Variants in BLK observed in about 807,000 individuals in gnomAD.
The protein encoded by BLK is tyrosine-protein kinase Blk.
Under a neutral mutation model 61.8 loss-of-function variants are expected in BLK, and 64 were observed. That is an observed-to-expected ratio of 1.03 (90% CI 0.85 to 1.27). The LOEUF is 1.27. BLK is among the 50% of genes most tolerant of loss of function. BLK has a pLI of 0.00. For synonymous variants in BLK, 351 were observed against 272.0 expected (o/e 1.29, Z -2.86); for missense variants, 853 against 660.5 (o/e 1.29, Z -3.19).
intron 1 of BLK, among the ~76,000 whole-genome samples, chr8:11,508,031 C>T (rs985615893): frequency 6.6e-6 from 1 of 152,168 alleles, no homozygotes; most frequent in African/African-American, 2.4e-5. Flanking sequence ...GCCTTGGGTG[C>T]TTCTCAAACC....
rs746202021 is a variant in BLK, at chr8:11,554,875, T to A, written c.605T>A (p.Val202Glu). ...RITFPSLQALVQHYSKKGDGL... is the reference protein window; with the variant it reads ...RITFPSLQALEQHYSKKGDGL... ...ACCTTCCCCTCGCTCCAGGCCCTGG[T>A]GCAGCACTATTCTAGTAAGAGGGGG... Residue 202 changes from valine (V) to glutamate (E), a missense_variant, in exon 7 of 13, where the codon GTG becomes GAG. By Grantham distance (121) the Val-to-Glu change is moderately radical. Transcript: ENST00000259089. 2 of 1,613,362 alleles carry A rather than the reference T, an allele frequency of 1.2e-6. No homozygotes were observed. Among genetic ancestry groups the A allele is most frequent in the Non-Finnish European group, 1.7e-6 (2 of 1,179,964 alleles).
At chr8:11,516,068 A>T (rs1259026226) in intron 1 of BLK, among the ~76,000 whole-genome samples, 4 of 152,232 alleles carry the variant, frequency 2.6e-5, no homozygotes, top group Admixed American at 2.0e-4. Flanking sequence ...ATTCCATGGA[A>T]TACCACTCAG....
chr8:11,543,224 G>C lies in BLK; in HGVS notation c.-1G>C. ...TCTGTCTGCTGTGTGTCTCCGACAG[G>C]ATGGGGCTGGTAAGTAGCAAAAAGC... is the stretch of plus-strand genomic sequence containing the variant. On this transcript the variant is annotated splice_region_variant and 5_prime_UTR_variant, in exon 2 of 13. Transcript: ENST00000259089. The C allele has an allele frequency of 1.9e-6, 3 of 1,613,876 alleles. No individual in the cohort carries two copies. The highest frequency in any genetic ancestry group is 1.7e-6 in the Non-Finnish European group (2 of 1,179,984).
chr8:11,555,767 G>A (rs1328778113), intron 8 of BLK: 5 of 513,276 alleles, frequency 9.7e-6, no homozygotes, highest in Non-Finnish European at 1.8e-5. Flanking sequence ...AGCTGGCTTT[G>A]ACAATGAGCT....
In BLK at chr8:11,561,448, A is replaced by G. The variant is rs767686222; in HGVS notation, c.1176A>G (p.Gln392=). 3.1e-6 allele frequency: 5 copies of G among 1,613,728 alleles called. No homozygotes were observed. Among genetic ancestry groups the G allele is most frequent in the Non-Finnish European group, 3.4e-6 (4 of 1,179,930 alleles). Residue 392 remains glutamine, a synonymous_variant, in exon 11 of 13, where the codon CAA becomes CAG. Coordinates refer to ENST00000259089, the MANE Select transcript of BLK (RefSeq NM_001715.3). ...ARIIDSEYTA[Q]EGAKFPIKWT... The stretch of plus-strand genomic sequence containing the variant: ...TCATCGACAGTGAATACACGGCCCA[A>G]GAGGGTAAGCACAGCCCCTAACCAC...
chr8:11,513,208 C>A (rs1273888576), intron 1 of BLK, among the ~76,000 whole-genome samples: 2 of 152,086 alleles, frequency 1.3e-5, no homozygotes, highest in African/African-American at 2.4e-5. Flanking sequence ...CCTCAATGCA[C>A]CACACGCAGT....
In BLK at chr8:11,564,269, C is replaced by A; in HGVS notation, c.*161C>A. ...GCTTCGCAGGGGGTCCCCGGACGGA[C>A]TCCTTCACCGACTGCACCCCCGGGC... is the stretch of plus-strand genomic sequence containing the variant. On this transcript the variant is annotated 3_prime_UTR_variant, in exon 13 of 13. Coordinates refer to ENST00000259089, the MANE Select transcript of BLK (RefSeq NM_001715.3). The A allele has an allele frequency of 3.4e-6, 3 of 875,958 alleles. No homozygotes were observed. In the South Asian group the frequency reaches 4.3e-5, roughly 13 times the overall value. 54.3% of individuals were successfully genotyped at this position (875,958 alleles called of 1,614,324 possible). A position where few individuals can be genotyped will look rare whatever the true frequency, so the allele number is the denominator to read the frequency against.
intron 1 of BLK, among the ~76,000 whole-genome samples, chr8:11,498,195 C>CA (rs1798426263): frequency 6.6e-6 from 1 of 152,176 alleles, no homozygotes; most frequent in South Asian, 2.1e-4. Flanking sequence ...ACCTGGGATG[C>CA]AAAATGTAAG....
Position 11,550,243 on chromosome 8 carries a change from A to G in BLK, c.453A>G (p.Arg151=). 1.2e-6 allele frequency: 2 copies of G among 1,613,940 alleles called. No homozygotes were observed. Among genetic ancestry groups the G allele is most frequent in the Non-Finnish European group, 1.7e-6 (2 of 1,179,990 alleles). ...ACAAGGCCGGCTCCTTTCTTATCAG[A>G]GAGAGTGAAACCAACAAAGGTAGGC... ...PINKAGSFLI[R]ESETNKGAFS... is the part of the protein sequence containing the mutation. The change falls in exon 6 of 13, where the codon AGA becomes AGG. Residue 151 remains arginine (R), a synonymous_variant. Coordinates refer to ENST00000259089, the MANE Select transcript of BLK (RefSeq NM_001715.3).
chr8:11,561,962 G>C (rs192520660), intron 11 of BLK, among the ~76,000 whole-genome samples: 2 of 152,160 alleles, frequency 1.3e-5, no homozygotes, highest in Admixed American at 1.3e-4. Flanking sequence ...GGGATTACAG[G>C]CGTGTGCCAC....
At chr8:11,511,446 A>AC (rs1484183876) in intron 1 of BLK, among the ~76,000 whole-genome samples, 1 of 151,834 alleles carries the variant, frequency 6.6e-6, no homozygotes, top group Non-Finnish European at 1.5e-5. Flanking sequence ...AGTATTAAAA[A>AC]AAAAATCAGT....
intron 9 of BLK, chr8:11,557,754 G>A: frequency 1.8e-6 from 1 of 552,112 alleles, no homozygotes; most frequent in South Asian, 1.8e-5. Flanking sequence ...TGGTATATTG[G>A]CTGCCTCCCG....
intron 10 of BLK, chr8:11,559,053 G>C: frequency 2.2e-6 from 1 of 453,852 alleles, no homozygotes; most frequent in Non-Finnish European, 4.4e-6. Context: ...CCTGCCCACT[G>C]CTGCTGCTTC....
chr8:11,554,401 A>C (rs1179786316), intron 6 of BLK, among the ~76,000 whole-genome samples: 1 of 152,122 alleles, frequency 6.6e-6, no homozygotes, highest in Non-Finnish European at 1.5e-5. Context: ...TAGATTTCTC[A>C]ATAGTCCATG....
intron 1 of BLK, among the ~76,000 whole-genome samples, chr8:11,503,340 G>A (rs1204676733): frequency 6.6e-6 from 1 of 152,118 alleles, no homozygotes; most frequent in Non-Finnish European, 1.5e-5. Context: ...TGTGTAGGTG[G>A]GCACTCTTCT....
intron 2 of BLK, among the ~76,000 whole-genome samples, chr8:11,544,509 CA>C (rs1406291252): frequency 6.6e-6 from 1 of 152,186 alleles, no homozygotes; most frequent in Non-Finnish European, 1.5e-5. Flanking sequence ...TCTCAGCGCA[CA>C]ACCACAAGAT....
chr8:11,549,439 C>T (rs928613227), intron 5 of BLK, among the ~76,000 whole-genome samples: 1 of 152,234 alleles, frequency 6.6e-6, no homozygotes, highest in African/African-American at 2.4e-5. Flanking sequence ...ACCAGCATCC[C>T]CTCCCCTACA....
intron 1 of BLK, among the ~76,000 whole-genome samples, chr8:11,530,234 T>A: frequency 6.6e-6 from 1 of 152,212 alleles, no homozygotes; most frequent in South Asian, 2.1e-4. Context: ...CAGCCAAGGA[T>A]TTATTTGTGC....
chr8:11,526,171 G>A (rs80143324), intron 1 of BLK, among the ~76,000 whole-genome samples: 3,054 of 152,304 alleles, frequency 0.02, 93 homozygotes, highest in African/African-American at 0.07. Context: ...GATGCAGAAT[G>A]CACTTCATCA....
Sources: allele counts gnomAD v4.1 joint callset (sites outside exome capture counted in the v4.1 genomes callset), GRCh38; gene constraint gnomAD v4.1.1; transcripts MANE v1.5; gene names NCBI Gene and HGNC (gene_info 2026-07-23, HGNC 2026-07-21).